HP1BP3: variants seen among roughly 807,000 people sequenced by gnomAD.
The protein encoded by HP1BP3 is heterochromatin protein 1-binding protein 3.
In HP1BP3, 12 loss-of-function variants were observed where a neutral mutation model predicts 62.5. That is an observed-to-expected ratio of 0.19 (90% CI 0.12 to 0.31). HP1BP3 has a LOEUF of 0.31. Ranked by LOEUF, HP1BP3 falls within the 10% of genes least tolerant of loss-of-function variation. The pLI, the probability that HP1BP3 is intolerant of heterozygous loss-of-function variation, is 1.00. For missense variants in HP1BP3, 502 were observed against 651.8 expected (o/e 0.77, Z 2.50); for synonymous variants, 260 against 237.8 (o/e 1.09, Z -0.86).
chr1:20,752,199 T>C (rs12126786), intron 9 of HP1BP3, among the ~76,000 whole-genome samples: 51,508 of 149,398 alleles, frequency 0.34, 9,336 homozygotes, highest in Non-Finnish European at 0.4. Flanking sequence ...GAGGTGGAGG[T>C]TGCAGTAAGC....
In HP1BP3 at chr1:20,780,338, C is replaced by A. The variant is rs778383526; in HGVS notation, c.96+7G>T. 6.2e-6 allele frequency: 10 copies of A among 1,603,868 alleles called. No individual in the cohort carries two copies. In the African/African-American group the frequency reaches 1.3e-4, roughly 21 times the overall value. On this transcript the variant is annotated splice_region_variant and intron_variant, in intron 2 of 12. Coordinates refer to ENST00000438032, the MANE Select transcript of HP1BP3 (RefSeq NM_001372052.1). ...AGAGTGAGCTTCAAGAATGTGTCAGCCCCTACCTCACCTAACTTGTCCGCG... is the reference window on the plus strand; with the variant it reads ...AGAGTGAGCTTCAAGAATGTGTCAGACCCTACCTCACCTAACTTGTCCGCG...
Position 20,744,954 on chromosome 1 carries a change from GC to G in HP1BP3, c.1504del (p.Ala502ProfsTer34). 1 of 1,614,132 alleles carries G rather than the reference GC, an allele frequency of 6.2e-7. No individual in the cohort carries two copies. The highest frequency in any genetic ancestry group is 8.5e-7 in the Non-Finnish European group (1 of 1,180,040). Reference sequence around the variant, plus strand: ...TCTGGTCTTCTTGGCAGGCGTTTTGGCCTTAGGAGGTGCTTTCTTAGGCAAG... The same window carrying G: ...TCTGGTCTTCTTGGCAGGCGTTTTGGCTTAGGAGGTGCTTTCTTAGGCAAG... ...RPLPKKAPPK[A>X]KTPAKKTRPS... On this transcript the variant is annotated frameshift_variant, in exon 13 of 13. Coordinates refer to ENST00000438032, the MANE Select transcript of HP1BP3 (RefSeq NM_001372052.1). LOFTEE classifies it high-confidence loss of function.
intron 6 of HP1BP3, among the ~76,000 whole-genome samples, chr1:20,770,061 A>C (rs776517709): frequency 2.0e-5 from 3 of 152,182 alleles, no homozygotes; most frequent in Non-Finnish European, 4.4e-5. Context: ...TATAAAGTTT[A>C]TTCTAGCTTT....
chr1:20,751,439 G>T (rs943502978), intron 9 of HP1BP3, among the ~76,000 whole-genome samples: 1 of 151,996 alleles, frequency 6.6e-6, no homozygotes, highest in Non-Finnish European at 1.5e-5. Flanking sequence ...AATATTTAGG[G>T]TATCAGGGAG....
chr1:20,749,993 T>C (rs1483206628), intron 9 of HP1BP3, 111 bp from the exon 10 acceptor site: 3 of 1,482,952 alleles, frequency 2.0e-6, no homozygotes, highest in East Asian at 4.8e-5. Context: ...AGCACAGATA[T>C]GTTTTACAAT....
At chr1:20,746,931 A>C (rs1453793624) in intron 11 of HP1BP3, among the ~76,000 whole-genome samples, 1 of 152,132 alleles carries the variant, frequency 6.6e-6, no homozygotes, top group African/African-American at 2.4e-5. Context: ...TGGGAGGATC[A>C]CTTGAGCCCA....
chr1:20,749,019 T>C (rs2055533609), intron 10 of HP1BP3, among the ~76,000 whole-genome samples: 1 of 152,188 alleles, frequency 6.6e-6, no homozygotes, highest in Non-Finnish European at 1.5e-5. Context: ...CTTAGGTTAA[T>C]AAGAAATAAT....
At position 20,745,530 on chromosome 1, in the gene HP1BP3, CA is replaced by C. The variant is rs768962362; in HGVS notation, c.1367+12del. On this transcript the variant is annotated intron_variant, in intron 12 of 12. Coordinates refer to ENST00000438032, the MANE Select transcript of HP1BP3 (RefSeq NM_001372052.1). Reference sequence around the variant, plus strand: ...TAGTGTCCTCCCCACAAGGGGTTTTCACATGTCCACACCTTCTCTTAGGTGG... The same window carrying C: ...TAGTGTCCTCCCCACAAGGGGTTTTCCATGTCCACACCTTCTCTTAGGTGG... 6.2e-7 allele frequency: 1 copy of C among 1,613,350 alleles called. No homozygotes were observed. Among genetic ancestry groups the C allele is most frequent in the Non-Finnish European group, 8.5e-7 (1 of 1,179,752 alleles).
intron 8 of HP1BP3, among the ~76,000 whole-genome samples, chr1:20,765,005 C>T (rs2056704574): frequency 6.6e-6 from 1 of 151,508 alleles, no homozygotes; most frequent in Non-Finnish European, 1.5e-5. Flanking sequence ...CTTGGCTCTA[C>T]TAAAAATACA....
intron 9 of HP1BP3, 138 bp downstream of exon 9, chr1:20,757,028 C>G: frequency 5.8e-6 from 3 of 513,712 alleles, no homozygotes; most frequent in Non-Finnish European, 6.9e-6. Flanking sequence ...TAATTTCTAA[C>G]ATAGTAAATG....
intron 1 of HP1BP3, among the ~76,000 whole-genome samples, chr1:20,784,767 T>C (rs1378563158): frequency 6.6e-6 from 1 of 152,188 alleles, no homozygotes; most frequent in Non-Finnish European, 1.5e-5. Flanking sequence ...TGAGCCACCG[T>C]GCCCGGCCTA....
At chr1:20,771,911 C>T (rs1231357783) in intron 5 of HP1BP3, among the ~76,000 whole-genome samples, 1 of 152,128 alleles carries the variant, frequency 6.6e-6, no homozygotes, top group Non-Finnish European at 1.5e-5. Flanking sequence ...ATAAGAACTT[C>T]GTTGAATGTT....
intron 6 of HP1BP3, 144 bp downstream of exon 6, chr1:20,770,786 A>C (rs2057022804): frequency 1.6e-6 from 1 of 617,016 alleles, no homozygotes; most frequent in East Asian, 3.3e-5. Flanking sequence ...GCCTCAGATA[A>C]TTCAACTAGG....
intron 9 of HP1BP3, among the ~76,000 whole-genome samples, chr1:20,753,176 C>T (rs1423177908): frequency 6.6e-6 from 1 of 152,036 alleles, no homozygotes; most frequent in African/African-American, 2.4e-5. Context: ...CTCCTGACCT[C>T]GTGATTCGCC....
intron 1 of HP1BP3, among the ~76,000 whole-genome samples, chr1:20,785,355 C>A (rs1462715830): frequency 6.6e-6 from 1 of 152,178 alleles, no homozygotes; most frequent in Non-Finnish European, 1.5e-5. Context: ...TTACTGATAT[C>A]CTTGATAATA....
intron 3 of HP1BP3, among the ~76,000 whole-genome samples, chr1:20,778,191 G>C (rs2057386880): frequency 6.6e-6 from 1 of 152,094 alleles, no homozygotes; most frequent in Non-Finnish European, 1.5e-5. Context: ...AAGAATAACT[G>C]CTCAAGAGTT....
chr1:20,772,416 GTCA>G (rs2057100666), intron 5 of HP1BP3, among the ~76,000 whole-genome samples: 1 of 152,160 alleles, frequency 6.6e-6, no homozygotes, highest in African/African-American at 2.4e-5. Flanking sequence ...AGGCTGAGTG[GTCA>G]TCAAGTGAAA....
At chr1:20,746,961 A>T (rs761456214) in intron 11 of HP1BP3, among the ~76,000 whole-genome samples, 1 of 152,190 alleles carries the variant, frequency 6.6e-6, no homozygotes, top group Non-Finnish European at 1.5e-5. Flanking sequence ...GATTGCAGTG[A>T]GCCGAGATTA....
chr1:20,764,219 TCA>T (rs1420361103), intron 8 of HP1BP3, among the ~76,000 whole-genome samples: 2 of 152,224 alleles, frequency 1.3e-5, no homozygotes, highest in Non-Finnish European at 2.9e-5. Flanking sequence ...ATCCTTTTTT[TCA>T]CAGACTTTTC....
Sources: allele counts gnomAD v4.1 joint callset (sites outside exome capture counted in the v4.1 genomes callset), GRCh38; gene constraint gnomAD v4.1.1; transcripts MANE v1.5; gene names NCBI Gene and HGNC (gene_info 2026-07-23, HGNC 2026-07-21).